CNTN5: variants seen among roughly 807,000 people sequenced by gnomAD.
CNTN5 encodes the protein contactin 5.
A neutral mutation model predicts 129.1 loss-of-function variants in CNTN5; 77 were observed. That is an observed-to-expected ratio of 0.60 (90% confidence interval 0.50 to 0.72). The LOEUF is 0.72. CNTN5 is among the 30% of genes least tolerant of loss of function. The pLI is 0.00. For synonymous variants in CNTN5, 509 were observed against 465.6 expected (o/e 1.09, Z -1.20); for missense variants, 1,478 against 1,328.8 (o/e 1.11, Z -1.75).
intron 21 of CNTN5, among the ~76,000 whole-genome samples, chr11:100,322,469 G>C (rs139034706): frequency 0.01 from 1,574 of 152,238 alleles, 23 homozygotes; most frequent in African/African-American, 0.036. Context: ...TGATCCGGCC[G>C]TCTTGGCCTC....
intron 1 of CNTN5, among the ~76,000 whole-genome samples, chr11:99,086,978 A>G (rs1866031937): frequency 6.6e-6 from 1 of 152,178 alleles, no homozygotes; most frequent in Non-Finnish European, 1.5e-5. Context: ...AAGAAAATGG[A>G]GGGTTGGAGA....
At chr11:99,184,179 A>C (rs1858225076) in intron 1 of CNTN5, among the ~76,000 whole-genome samples, 1 of 152,038 alleles carries the variant, frequency 6.6e-6, no homozygotes. Context: ...CCCTTAGAAA[A>C]ATTCAAGATA....
intron 1 of CNTN5, among the ~76,000 whole-genome samples, chr11:99,056,179 G>A (rs1864617108): frequency 6.6e-6 from 1 of 150,940 alleles, no homozygotes; most frequent in Admixed American, 6.6e-5. Flanking sequence ...TTATTCACTG[G>A]TAAGCCATGT....
chr11:99,778,157 T>A (rs1297498560), intron 3 of CNTN5, among the ~76,000 whole-genome samples: 2 of 151,858 alleles, frequency 1.3e-5, no homozygotes, highest in African/African-American at 4.8e-5. Flanking sequence ...ACAATCTCTT[T>A]CATAAAACTA....
chr11:99,966,651 A>G (rs1287579937), intron 8 of CNTN5, among the ~76,000 whole-genome samples: 1 of 152,212 alleles, frequency 6.6e-6, no homozygotes, highest in Non-Finnish European at 1.5e-5. Flanking sequence ...TTGTAGGAGT[A>G]AAACATCTGG....
In CNTN5 at chr11:99,214,079, A is replaced by T. The variant is rs543509888; in HGVS notation, c.-209-111267A>T. On this transcript the variant is annotated intron_variant, in intron 1 of 24. Coordinates refer to ENST00000524871, the MANE Select transcript of CNTN5 (RefSeq NM_014361.4). The stretch of plus-strand genomic sequence containing the variant: ...ATGGGCAATGAAACAAGCTACACTT[A>T]CTTAACAGAGTAAGTATGACAACGG... 1.4e-4 allele frequency among the ~76,000 whole-genome samples: 21 copies of T among 152,308 alleles called. No homozygotes were observed. In the South Asian group the frequency reaches 4.3e-3, roughly 32 times the overall value.
At chr11:99,616,880 G>A (rs1950775781) in intron 3 of CNTN5, among the ~76,000 whole-genome samples, 1 of 152,214 alleles carries the variant, frequency 6.6e-6, no homozygotes, top group Non-Finnish European at 1.5e-5. Context: ...GGAGGCCGAG[G>A]CGGGTCGATG....
At chr11:99,228,032 C>T (rs781686149) in intron 1 of CNTN5, among the ~76,000 whole-genome samples, 5 of 151,976 alleles carry the variant, frequency 3.3e-5, no homozygotes, top group Admixed American at 6.6e-5. Context: ...TGTACCATCG[C>T]TTGATCTGTT....
chr11:99,488,679 G>A (rs1483977217), intron 2 of CNTN5, among the ~76,000 whole-genome samples: 1 of 152,122 alleles, frequency 6.6e-6, no homozygotes, highest in East Asian at 1.9e-4. Context: ...ATAGAATTGT[G>A]GAAAATGTAA....
chr11:99,362,947 C>T (rs1386413425), intron 2 of CNTN5, among the ~76,000 whole-genome samples: 11 of 152,026 alleles, frequency 7.2e-5, no homozygotes, highest in Admixed American at 7.2e-4. Flanking sequence ...AACCAGAAAG[C>T]ATGAGTCTTC....
At chr11:100,214,008 T>C (rs1375807781) in intron 15 of CNTN5, among the ~76,000 whole-genome samples, 1 of 152,136 alleles carries the variant, frequency 6.6e-6, no homozygotes, top group Non-Finnish European at 1.5e-5. Context: ...TACAGCTACT[T>C]GTTGAAGACT....
chr11:99,730,181 T>TA (rs766929276), intron 3 of CNTN5, among the ~76,000 whole-genome samples: 5 of 152,144 alleles, frequency 3.3e-5, no homozygotes, highest in Non-Finnish European at 5.9e-5. Flanking sequence ...TAAACAGAAT[T>TA]AAATATGACC....
intron 1 of CNTN5, among the ~76,000 whole-genome samples, chr11:99,077,556 C>T (rs1209388085): frequency 6.6e-6 from 1 of 152,134 alleles, no homozygotes; most frequent in East Asian, 1.9e-4. Flanking sequence ...TAATTTTACT[C>T]ATACAAAATC....
chr11:99,362,053 A>G (rs1295870877), intron 2 of CNTN5, among the ~76,000 whole-genome samples: 3 of 152,256 alleles, frequency 2.0e-5, no homozygotes, highest in Non-Finnish European at 4.4e-5. Flanking sequence ...TGTTTCCCAT[A>G]GTGGCTGTGC....
intron 3 of CNTN5, among the ~76,000 whole-genome samples, chr11:99,561,420 A>C (rs1948839260): frequency 6.6e-6 from 1 of 152,198 alleles, no homozygotes; most frequent in Non-Finnish European, 1.5e-5. Flanking sequence ...AAATTGATCA[A>C]TCTTTATGTA....
At chr11:99,319,258 A>G (rs1023257419) in intron 1 of CNTN5, among the ~76,000 whole-genome samples, 1 of 152,200 alleles carries the variant, frequency 6.6e-6, no homozygotes, top group Admixed American at 6.5e-5. Context: ...AACTCTCACA[A>G]TAACCTAGAA....
intron 3 of CNTN5, among the ~76,000 whole-genome samples, chr11:99,639,427 G>C (rs1294716066): frequency 6.6e-6 from 1 of 152,156 alleles, no homozygotes; most frequent in South Asian, 2.1e-4. Flanking sequence ...AATTTTTGCA[G>C]CCAGCTTAAA....
At chr11:99,203,144 A>G (rs778976066) in intron 1 of CNTN5, among the ~76,000 whole-genome samples, 12 of 152,134 alleles carry the variant, frequency 7.9e-5, no homozygotes, top group Non-Finnish European at 1.2e-4. Context: ...AAATATTCAT[A>G]ATAAGAATAA....
chr11:99,559,153 A>C (rs1948762032), intron 3 of CNTN5, among the ~76,000 whole-genome samples: 1 of 152,140 alleles, frequency 6.6e-6, no homozygotes, highest in Non-Finnish European at 1.5e-5. Flanking sequence ...TTTTAGCTGT[A>C]TATGAATGTC....
Sources: gnomAD v4.1 joint callset for allele counts (sites outside exome capture counted in the v4.1 genomes callset) on GRCh38, gnomAD v4.1.1 for gene constraint, MANE v1.5 for transcripts, NCBI Gene and HGNC (gene_info 2026-07-23, HGNC 2026-07-21) for gene names.